ARHGAP15: variants seen among roughly 807,000 people sequenced by gnomAD.
The protein encoded by ARHGAP15 is rho GTPase-activating protein 15.
In ARHGAP15, 51 loss-of-function variants were observed where a neutral mutation model predicts 63.7. The ratio of observed to expected loss-of-function variants is 0.80; its 90% confidence interval spans 0.64 to 1.01. ARHGAP15 has a LOEUF of 1.01. Among genes scored for constraint, ARHGAP15 ranks in the 50% least tolerant of loss-of-function variants. ARHGAP15 has a pLI of 0.00. For synonymous variants in ARHGAP15, 191 were observed against 193.8 expected (o/e 0.99, Z 0.12); for missense variants, 560 against 564.6 (o/e 0.99, Z 0.08).
At chr2:143,354,346 T>A (rs1055921629) in intron 6 of ARHGAP15, among the ~76,000 whole-genome samples, 2 of 152,154 alleles carry the variant, frequency 1.3e-5, no homozygotes, top group African/African-American at 4.8e-5. Flanking sequence ...GCACATTGCT[T>A]GGTAGGATCC....
intron 6 of ARHGAP15, among the ~76,000 whole-genome samples, chr2:143,345,579 T>G (rs1230643832): frequency 6.6e-6 from 1 of 152,118 alleles, no homozygotes; most frequent in Non-Finnish European, 1.5e-5. Flanking sequence ...TTTTAACGCT[T>G]TTGGCACTAA....
At chr2:143,305,954 C>T (rs1361090079) in intron 6 of ARHGAP15, among the ~76,000 whole-genome samples, 2 of 152,054 alleles carry the variant, frequency 1.3e-5, no homozygotes, top group Non-Finnish European at 2.9e-5. Flanking sequence ...CAAATAAGTG[C>T]ACTGTGTATC....
At chr2:143,574,841 G>C (rs141914978) in intron 11 of ARHGAP15, among the ~76,000 whole-genome samples, 4 of 152,082 alleles carry the variant, frequency 2.6e-5, no homozygotes, top group Non-Finnish European at 4.4e-5. Context: ...GAAAATTTTC[G>C]TTAGAATCCT....
Position 143,496,330 on chromosome 2 carries a change from A to G in ARHGAP15, c.826+8835A>G, listed in dbSNP as rs554396466. On this transcript the variant is annotated intron_variant, in intron 9 of 13. Coordinates refer to ENST00000295095, the MANE Select transcript of ARHGAP15 (RefSeq NM_018460.4). ...TAAAAGCCTGTTGTGCACACAGGAAACAATCCAGGTCTTGTGAGATATTAA... is the reference window on the plus strand; with the variant it reads ...TAAAAGCCTGTTGTGCACACAGGAAGCAATCCAGGTCTTGTGAGATATTAA... 1.9e-3 allele frequency among the ~76,000 whole-genome samples: 291 copies of G among 152,318 alleles called. 1 individual carries two copies. The highest frequency in any genetic ancestry group is 6.1e-3 in the African/African-American group (255 of 41,572).
chr2:143,733,409 T>TTCA (rs1325012953), intron 13 of ARHGAP15, among the ~76,000 whole-genome samples: 2 of 152,150 alleles, frequency 1.3e-5, no homozygotes, highest in African/African-American at 2.4e-5. Context: ...GCATTTGTAC[T>TTCA]TCATCTGAGC....
chr2:143,725,787 C>T (rs567356137), intron 13 of ARHGAP15, among the ~76,000 whole-genome samples: 36 of 152,326 alleles, frequency 2.4e-4, no homozygotes, highest in South Asian at 4.1e-4. Context: ...GGAATTTATG[C>T]AGGTAACTCA....
intron 6 of ARHGAP15, among the ~76,000 whole-genome samples, chr2:143,352,097 T>C (rs2105316590): frequency 6.6e-6 from 1 of 152,314 alleles, no homozygotes; most frequent in East Asian, 1.9e-4. Context: ...TTACAATTCT[T>C]TGTAGTTTGA....
chr2:143,727,825 A>G (rs887054000), intron 13 of ARHGAP15, among the ~76,000 whole-genome samples: 3 of 152,206 alleles, frequency 2.0e-5, no homozygotes, highest in Non-Finnish European at 4.4e-5. Context: ...TCAAATGCCT[A>G]TGGAGCCTAA....
intron 8 of ARHGAP15, among the ~76,000 whole-genome samples, chr2:143,472,696 TG>T (rs1175495853): frequency 1.3e-5 from 2 of 151,530 alleles, no homozygotes; most frequent in Non-Finnish European, 2.9e-5. Context: ...ATGATGATGA[TG>T]GGGGGAATGA....
chr2:143,560,888 C>T (rs1195505201), intron 11 of ARHGAP15, among the ~76,000 whole-genome samples: 5 of 152,156 alleles, frequency 3.3e-5, no homozygotes, highest in Non-Finnish European at 4.4e-5. Context: ...AGCGCTCTGC[C>T]CTGTTTGTTG....
intron 13 of ARHGAP15, among the ~76,000 whole-genome samples, chr2:143,767,709 CA>C (rs1307243674): frequency 6.6e-6 from 1 of 152,056 alleles, no homozygotes; most frequent in Non-Finnish European, 1.5e-5. Context: ...ATTTCACAGT[CA>C]TTTTTGCTGT....
At position 143,175,161 on chromosome 2, in the gene ARHGAP15, G is replaced by A. The variant is rs146002436; in HGVS notation, c.165+19506G>A. 1.1e-3 allele frequency among the ~76,000 whole-genome samples: 169 copies of A among 152,216 alleles called. 1 individual carries two copies. The highest frequency in any genetic ancestry group is 5.0e-3 in the South Asian group (24 of 4,824). On this transcript the variant is annotated intron_variant, in intron 2 of 13. Transcript: ENST00000295095. ...AAGCCTGAGTTTTTATGGGTCATTA[G>A]CTCTTTAATGCACCTCAAGGGCTCC...
chr2:143,632,401 C>T (rs955015154), intron 12 of ARHGAP15, among the ~76,000 whole-genome samples: 8 of 151,888 alleles, frequency 5.3e-5, no homozygotes, highest in East Asian at 1.9e-4. Flanking sequence ...TTAGGCAAGT[C>T]GGTGCTAAAT....
intron 3 of ARHGAP15, among the ~76,000 whole-genome samples, chr2:143,203,952 T>A (rs1692225257): frequency 1.3e-5 from 2 of 152,102 alleles, no homozygotes; most frequent in African/African-American, 4.8e-5. Context: ...TATCTGAAAC[T>A]GATCCCGATT....
chr2:143,661,183 G>C (rs1177308697), intron 12 of ARHGAP15, among the ~76,000 whole-genome samples: 1 of 152,216 alleles, frequency 6.6e-6, no homozygotes, highest in East Asian at 1.9e-4. Context: ...ATCAGATCAG[G>C]CCCACCCCAA....
intron 6 of ARHGAP15, among the ~76,000 whole-genome samples, chr2:143,377,672 A>T (rs1329296892): frequency 6.6e-6 from 1 of 152,044 alleles, no homozygotes. Context: ...ATACAGTGTT[A>T]AAAAGGTTTG....
intron 6 of ARHGAP15, among the ~76,000 whole-genome samples, chr2:143,292,508 CTAA>C (rs1021018879): frequency 2.6e-5 from 4 of 151,812 alleles, no homozygotes; most frequent in African/African-American, 9.7e-5. Flanking sequence ...AGTAGCAACA[CTAA>C]TAATGTCATT....
At chr2:143,722,394 AT>A (rs2105466144) in intron 13 of ARHGAP15, among the ~76,000 whole-genome samples, 1 of 152,204 alleles carries the variant, frequency 6.6e-6, no homozygotes, top group African/African-American at 2.4e-5. Context: ...ATCCTTCAAA[AT>A]TTATCATTTG....
chr2:143,379,736 TAATA>T (rs952979554), intron 6 of ARHGAP15, among the ~76,000 whole-genome samples: 2 of 151,978 alleles, frequency 1.3e-5, no homozygotes, highest in South Asian at 2.1e-4. Flanking sequence ...AAATAATTAT[TAATA>T]AATTTCCCTT....
Sources: gnomAD v4.1 joint callset for allele counts (sites outside exome capture counted in the v4.1 genomes callset) on GRCh38, gnomAD v4.1.1 for gene constraint, MANE v1.5 for transcripts, NCBI Gene and HGNC (gene_info 2026-07-23, HGNC 2026-07-21) for gene names.